The following ADGRV1 variants were observed in gnomAD, a reference collection of about 807,000 sequenced individuals.
ADGRV1 encodes the protein adhesion G protein-coupled receptor V1.
ADGRV1 carries 359 observed loss-of-function variants against 596.2 expected under a neutral mutation model. That is an observed-to-expected ratio of 0.60 (90% CI 0.55 to 0.66). ADGRV1 has a LOEUF of 0.66. Among genes scored for constraint, ADGRV1 ranks in the 30% least tolerant of loss-of-function variants. ADGRV1 has a pLI of 0.00. For synonymous variants in ADGRV1, 2,681 were observed against 2,679.2 expected (o/e 1.00, Z -0.02); for missense variants, 7,274 against 7,575.6 (o/e 0.96, Z 1.48).
At chr5:90,957,622 G>T (rs1009261092) in intron 83 of ADGRV1, among the ~76,000 whole-genome samples, 1 of 145,962 alleles carries the variant, frequency 6.9e-6, no homozygotes, top group Non-Finnish European at 1.5e-5. Context: ...AACTATATAT[G>T]TTATATATTT....
rs763503898 is a variant in ADGRV1, at chr5:90,810,242, C to T, written c.14982C>T (p.Phe4994=). 1.4e-5 allele frequency: 22 copies of T among 1,564,364 alleles called. No homozygotes were observed. The highest frequency in any genetic ancestry group is 1.9e-5 in the Non-Finnish European group (22 of 1,154,272). ...TTAATTTTTTTCCCAGATCAGGTTT[C>T]ATTGTTGCTGAAATTGAACCAATGG... ...APGGAQLRSG[F]IVAEIEPMGV... Residue 4994 remains phenylalanine, a synonymous_variant, in exon 74 of 90, where the codon TTC becomes TTT. Coordinates refer to ENST00000405460, the MANE Select transcript of ADGRV1 (RefSeq NM_032119.4).
intron 87 of ADGRV1, among the ~76,000 whole-genome samples, chr5:91,146,640 T>C (rs1269957988): frequency 1.3e-5 from 2 of 152,130 alleles, no homozygotes; most frequent in East Asian, 3.8e-4. Flanking sequence ...ATGCTGCCCA[T>C]CCAGAAATCT....
intron 1 of ADGRV1, among the ~76,000 whole-genome samples, chr5:90,566,363 G>A (rs925465235): frequency 6.6e-6 from 1 of 151,918 alleles, no homozygotes; most frequent in Non-Finnish European, 1.5e-5. Context: ...TCCTTCATTT[G>A]CACATAGATA....
At chr5:90,758,765 C>T (rs1756119229) in intron 57 of ADGRV1, among the ~76,000 whole-genome samples, 1 of 152,138 alleles carries the variant, frequency 6.6e-6, no homozygotes, top group Non-Finnish European at 1.5e-5. Context: ...AAACTGCAAG[C>T]TGGATCAAGT....
At chr5:90,682,537 A>C (rs1745083459) in intron 27 of ADGRV1, among the ~76,000 whole-genome samples, 2 of 152,210 alleles carry the variant, frequency 1.3e-5, no homozygotes, top group Non-Finnish European at 2.9e-5. Context: ...TTGTTCAGTG[A>C]CTCACAGGAG....
chr5:90,911,166 A>C (rs1433396025), intron 83 of ADGRV1, among the ~76,000 whole-genome samples: 6 of 152,340 alleles, frequency 3.9e-5, no homozygotes, highest in Non-Finnish European at 8.8e-5. Flanking sequence ...TTTACCAAAG[A>C]AAGTAATTAT....
chr5:90,883,618 G>C (rs1401978039), intron 83 of ADGRV1, among the ~76,000 whole-genome samples: 1 of 152,058 alleles, frequency 6.6e-6, no homozygotes, highest in Non-Finnish European at 1.5e-5. Context: ...CATATGTGCA[G>C]ACTATTCCTC....
intron 34 of ADGRV1, among the ~76,000 whole-genome samples, chr5:90,701,579 C>G (rs1439191472): frequency 2.0e-5 from 3 of 151,228 alleles, no homozygotes; most frequent in Non-Finnish European, 4.4e-5. Context: ...TCTCTATGTG[C>G]GTGTGTGTGC....
At chr5:91,163,681 T>C (rs745347940) in intron 89 of ADGRV1, 101 bp from the exon 90 acceptor site, 7 of 554,960 alleles carry the variant, frequency 1.3e-5, no homozygotes, top group African/African-American at 1.9e-5. Flanking sequence ...TTTTTACTAA[T>C]ATAATAGAAA....
chr5:90,788,038 T>G, intron 67 of ADGRV1, 33 bp from the exon 68 acceptor site: 1 of 1,536,554 alleles, frequency 6.5e-7, no homozygotes, highest in Admixed American at 2.0e-5. Flanking sequence ...TGATCTCTAT[T>G]AAAGAAATAC....
At chr5:90,684,256 T>A in intron 28 of ADGRV1, 61 bp downstream of exon 28, 1 of 1,395,972 alleles carries the variant, frequency 7.2e-7, no homozygotes, top group Non-Finnish European at 9.5e-7. Context: ...AACAATCAGT[T>A]TTAAATTTTA....
In ADGRV1 at chr5:90,759,642, T is replaced by C. The variant is rs138826813; in HGVS notation, c.12120+54T>C. ...TGTTTCAGGCTAGCGTTTCATGTAA[T>C]TTTGAGTAGAAAGTGTCTCACATTT... On this transcript the variant is annotated intron_variant, in intron 58 of 89. Coordinates refer to ENST00000405460, the MANE Select transcript of ADGRV1 (RefSeq NM_032119.4). The C allele has an allele frequency of 2.2e-3, 3,243 of 1,499,454 alleles. 49 individuals are homozygous for C. In the Admixed American group the frequency reaches 0.025, roughly 12 times the overall value. The allele number at this position is 1,499,454 out of a possible 1,614,324, so 92.9% of individuals were successfully genotyped here.
In ADGRV1 at chr5:90,778,351, G is replaced by C. The variant is rs1238119594; in HGVS notation, c.12667-76G>C. ...GGAGATTAATATTACAAAATCTGTT[G>C]TTATTATTTAGAGGTTAGGAGTTTT... On this transcript the variant is annotated intron_variant, in intron 62 of 89. Transcript: ENST00000405460. 3 of 1,247,204 alleles carry C rather than the reference G, an allele frequency of 2.4e-6. No homozygotes were observed. In the African/African-American group the frequency reaches 4.5e-5, roughly 19 times the overall value. 77.3% of individuals were successfully genotyped at this position (1,247,204 alleles called of 1,614,324 possible).
chr5:90,904,672 C>T (rs1772157993), intron 83 of ADGRV1, among the ~76,000 whole-genome samples: 1 of 151,762 alleles, frequency 6.6e-6, no homozygotes, highest in Non-Finnish European at 1.5e-5. Flanking sequence ...CAATTTTCTT[C>T]CATTCTGTAG....
chr5:90,886,818 G>A (rs1352530954), intron 83 of ADGRV1, among the ~76,000 whole-genome samples: 1 of 152,132 alleles, frequency 6.6e-6, no homozygotes, highest in Admixed American at 6.6e-5. Flanking sequence ...CTTGCTATAA[G>A]TGTATTCAGC....
intron 1 of ADGRV1, among the ~76,000 whole-genome samples, chr5:90,572,852 G>C (rs764094760): frequency 3.3e-5 from 5 of 152,130 alleles, no homozygotes; most frequent in Non-Finnish European, 5.9e-5. Flanking sequence ...GAATGGACTG[G>C]ATAGGAGGAA....
chr5:91,096,234 T>C (rs547133910), intron 86 of ADGRV1, among the ~76,000 whole-genome samples: 2 of 152,358 alleles, frequency 1.3e-5, no homozygotes, highest in South Asian at 4.1e-4. Context: ...AAATGGAGTG[T>C]GATTTCCATA....
At chr5:90,705,723 T>A in intron 37 of ADGRV1, 144 bp downstream of exon 37, 1 of 643,986 alleles carries the variant, frequency 1.6e-6, no homozygotes, top group Non-Finnish European at 2.6e-6. Flanking sequence ...TTATAACTTC[T>A]TTATCTTTGA....
At chr5:90,966,378 A>T (rs1031110616) in intron 84 of ADGRV1, among the ~76,000 whole-genome samples, 4 of 151,964 alleles carry the variant, frequency 2.6e-5, no homozygotes, top group Non-Finnish European at 5.9e-5. Context: ...TAAAAATATT[A>T]AAAATTAGCT....
Sources: gnomAD v4.1 joint callset for allele counts (sites outside exome capture counted in the v4.1 genomes callset) on GRCh38, gnomAD v4.1.1 for gene constraint, MANE v1.5 for transcripts, NCBI Gene and HGNC (gene_info 2026-07-23, HGNC 2026-07-21) for gene names.